HNRNPR: variants seen among roughly 807,000 people sequenced by gnomAD.
HNRNPR encodes the protein heterogeneous nuclear ribonucleoprotein R.
Under a neutral mutation model 70.3 loss-of-function variants are expected in HNRNPR, and 4 were observed. That is an observed-to-expected ratio of 0.06 (90% CI 0.03 to 0.13). HNRNPR has a LOEUF of 0.13. Ranked by LOEUF, HNRNPR falls within the 10% of genes least tolerant of loss-of-function variation. HNRNPR has a pLI of 1.00. For missense variants in HNRNPR, 423 were observed against 788.5 expected (o/e 0.54, Z 5.55); for synonymous variants, 241 against 267.6 (o/e 0.90, Z 0.97).
intron 4 of HNRNPR, among the ~76,000 whole-genome samples, chr1:23,335,188 G>C (rs1052625793): frequency 2.0e-5 from 3 of 152,236 alleles, no homozygotes; most frequent in Non-Finnish European, 2.9e-5. Context: ...AAAGTGCTGG[G>C]ATTACAGGCG....
At chr1:23,333,699 T>C in intron 4 of HNRNPR, 68 bp from the exon 5 acceptor site, 1 of 908,542 alleles carries the variant, frequency 1.1e-6, no homozygotes, top group South Asian at 1.6e-5. Flanking sequence ...AGTGTATTAA[T>C]CTTTTCCAAA....
intron 8 of HNRNPR, among the ~76,000 whole-genome samples, chr1:23,315,298 AAAAAAAAC>A (rs1645494798): frequency 1.3e-5 from 2 of 150,000 alleles, no homozygotes; most frequent in African/African-American, 5.0e-5. Flanking sequence ...AAAAAAAAAA[AAAAAAAAC>A]AAAAACCCAA....
At chr1:23,324,632 C>A (rs534242477) in intron 5 of HNRNPR, among the ~76,000 whole-genome samples, 48 of 152,218 alleles carry the variant, frequency 3.2e-4, no homozygotes, top group African/African-American at 1.1e-3. Flanking sequence ...GTGCTTCAAT[C>A]TATTCCTCTC....
intron 7 of HNRNPR, 117 bp downstream of exon 7, chr1:23,321,411 A>T: frequency 3.8e-6 from 3 of 791,522 alleles, no homozygotes; most frequent in Non-Finnish European, 5.9e-6. Context: ...GAAGCAATTT[A>T]GATACTTCAG....
chr1:23,325,488 G>A (rs1212905122), intron 5 of HNRNPR, among the ~76,000 whole-genome samples: 1 of 152,118 alleles, frequency 6.6e-6, no homozygotes, highest in Admixed American at 6.5e-5. Context: ...AATAGTTATT[G>A]CAATTCTTCT....
Position 23,307,467 on chromosome 1 carries a change from T to C in HNRNPR, c.*2987A>G, listed in dbSNP as rs1645219549. 1 of 152,052 alleles carries C rather than the reference T, an allele frequency of 6.6e-6. No homozygotes were observed. The highest frequency in any genetic ancestry group is 2.1e-4 in the South Asian group (1 of 4,822). The allele number at this position is 152,052 out of a possible 1,614,324, so 9.4% of individuals were successfully genotyped here. ...CTCCTACTATCAGAAAGCATTGGGC[T>C]TTCTTATGCAGAATAACCCCAGTAA... On this transcript the variant is annotated 3_prime_UTR_variant, in exon 11 of 11. Transcript: ENST00000302271.
chr1:23,323,682 G>T lies in HNRNPR; in HGVS notation c.549C>A (p.Pro183=). ...AAATGGGTCCGGCCTTCTCAAAAAG[G>T]GGCACCAACTCATCCTCATATAAAT... The part of the protein sequence containing the change: ...PRDLYEDELV[P]LFEKAGPIWD... Residue 183 remains proline (P), a synonymous_variant, in exon 6 of 11, where the codon CCC becomes CCA. Transcript: ENST00000302271. 1 of 1,614,024 alleles carries T rather than the reference G, an allele frequency of 6.2e-7. No homozygotes were observed. Among genetic ancestry groups the T allele is most frequent in the Non-Finnish European group, 8.5e-7 (1 of 1,179,988 alleles).
chr1:23,327,894 A>G (rs1425540870), intron 5 of HNRNPR, among the ~76,000 whole-genome samples: 1 of 150,636 alleles, frequency 6.6e-6, no homozygotes, highest in East Asian at 2.0e-4. Flanking sequence ...GCAGTGTCTC[A>G]TGCCTATAAT....
rs1646685552 is a variant in HNRNPR, at chr1:23,340,992, T to G, written c.17A>C (p.Asn6Thr). 6.2e-7 allele frequency: 1 copy of G among 1,607,942 alleles called. No individual in the cohort carries two copies. The highest frequency in any genetic ancestry group is 2.2e-5 in the East Asian group (1 of 44,768). The change falls in exon 2 of 11, where the codon AAT becomes ACT. Residue 6 changes from asparagine (N) to threonine (T), a missense_variant. This residue lies in a region of HNRNPR where 44 missense variants were observed against 89.0 expected (regional missense o/e 0.49). Transcript: ENST00000302271. The part of the protein sequence containing the change: MANQV[N>T]GNAVQLKEEE... ...TTCTTTTAACTGTACCGCATTACCATTCACCTGATTAGCCATTTTATTATG... is the reference window on the plus strand; with the variant it reads ...TTCTTTTAACTGTACCGCATTACCAGTCACCTGATTAGCCATTTTATTATG...
chr1:23,305,065 T>C lies in HNRNPR; in HGVS notation c.*5389A>G, dbSNP rs937320843. 2.0e-5 allele frequency: 3 copies of C among 152,176 alleles called. No individual in the cohort carries two copies. The highest frequency in any genetic ancestry group is 2.9e-5 in the Non-Finnish European group (2 of 68,010). The allele number at this position is 152,176 out of a possible 1,614,324, so 9.4% of individuals were successfully genotyped here. A position where few individuals can be genotyped will look rare whatever the true frequency, so the allele number is the denominator to read the frequency against. On this transcript the variant is annotated 3_prime_UTR_variant, in exon 11 of 11. Transcript: ENST00000302271. ...ATCCTGACAAATCTACTATATAAAG[T>C]GAGAGCCCTTATTTAAATTTGAGCA... is the stretch of plus-strand genomic sequence containing the variant.
chr1:23,332,896 A>AT (rs35816647), intron 5 of HNRNPR, among the ~76,000 whole-genome samples: 48,377 of 151,890 alleles, frequency 0.32, 9,992 homozygotes, highest in African/African-American at 0.58. Context: ...AAAAACCAAA[A>AT]AAAGCAGCCG....
chr1:23,341,894 A>C (rs1360424049), intron 1 of HNRNPR, among the ~76,000 whole-genome samples: 1 of 152,220 alleles, frequency 6.6e-6, no homozygotes, highest in Non-Finnish European at 1.5e-5. Context: ...TTCAGCCTGT[A>C]GGTAATGCTG....
chr1:23,316,513 A>C (rs1011395011), intron 8 of HNRNPR, among the ~76,000 whole-genome samples: 1 of 152,206 alleles, frequency 6.6e-6, no homozygotes, highest in Non-Finnish European at 1.5e-5. Flanking sequence ...GTGGCTGGTA[A>C]GCAAATTACA....
At chr1:23,335,116 A>C (rs1244531646) in intron 4 of HNRNPR, among the ~76,000 whole-genome samples, 7 of 151,956 alleles carry the variant, frequency 4.6e-5, no homozygotes, top group African/African-American at 1.4e-4. Flanking sequence ...AGGTGGCCTC[A>C]CCGTTGTTAG....
chr1:23,337,926 T>C (rs1646563514), intron 3 of HNRNPR, 65 bp from the exon 4 acceptor site: 1 of 928,954 alleles, frequency 1.1e-6, no homozygotes, highest in Non-Finnish European at 1.7e-6. Context: ...AGATACATAA[T>C]TAAATTTAAA....
intron 5 of HNRNPR, among the ~76,000 whole-genome samples, chr1:23,328,759 C>G (rs552656865): frequency 9.2e-5 from 14 of 152,272 alleles, no homozygotes; most frequent in East Asian, 1.9e-4. Context: ...CTCAGCCTTC[C>G]AAAGTTTTGG....
In HNRNPR at chr1:23,307,650, TATAA is replaced by T. The variant is rs2148289366; in HGVS notation, c.*2800_*2803del. ...GCTCTTAAAAATTAAAATACCTTCA[TATAA>T]ATACATACATTTAAGCAACTGCTAT... is the stretch of plus-strand genomic sequence containing the variant. On this transcript the variant is annotated 3_prime_UTR_variant, in exon 11 of 11. Transcript: ENST00000302271. 1 of 152,206 alleles carries T rather than the reference TATAA, an allele frequency of 6.6e-6. No individual in the cohort carries two copies. The highest frequency in any genetic ancestry group is 2.1e-4 in the South Asian group (1 of 4,832). The allele number at this position is 152,206 out of a possible 1,614,324, so 9.4% of individuals were successfully genotyped here.
In HNRNPR at chr1:23,337,779, T is replaced by G. The variant is rs777756986; in HGVS notation, c.359A>C (p.Lys120Thr). 6.2e-7 allele frequency: 1 copy of G among 1,612,516 alleles called. No individual in the cohort carries two copies. Among genetic ancestry groups the G allele is most frequent in the South Asian group, 1.1e-5 (1 of 90,902 alleles). ...CTTGATCTTCGCTTCATCAGGTCCC[T>G]TTGTGGACTCTTGCACCTTGCTCCC... ...KQGSKVQEST[K>T]GPDEAKIKAL... The change falls in exon 4 of 11, where the codon AAG becomes ACG. Residue 120 changes from lysine (K) to threonine (T), a missense_variant. Transcript: ENST00000302271.
chr1:23,338,175 T>C (rs569722217), intron 3 of HNRNPR: 146 of 316,362 alleles, frequency 4.6e-4, no homozygotes, highest in African/African-American at 2.4e-3. Flanking sequence ...TCCAAGATAA[T>C]AAAACAGGAT....
Sources: allele counts gnomAD v4.1 joint callset (sites outside exome capture counted in the v4.1 genomes callset), GRCh38; gene constraint gnomAD v4.1.1; regional missense constraint gnomAD v4.1.1; transcripts MANE v1.5; gene names NCBI Gene and HGNC (gene_info 2026-07-23, HGNC 2026-07-21).